Variants in ST6GAL2 observed in about 807,000 individuals in gnomAD.
ST6GAL2 encodes the protein beta-galactoside alpha-2,6-sialyltransferase 2.
In ST6GAL2, 24 loss-of-function variants were observed where a neutral mutation model predicts 37.5. The ratio of observed to expected loss-of-function variants is 0.64; its 90% CI spans 0.46 to 0.90. ST6GAL2 has a LOEUF of 0.90. Among genes scored for constraint, ST6GAL2 ranks in the 40% least tolerant of loss-of-function variants. The pLI, the probability that ST6GAL2 is intolerant of heterozygous loss-of-function variation, is 0.00. For missense variants in ST6GAL2, 715 were observed against 712.7 expected (o/e 1.00, Z -0.04); for synonymous variants, 306 against 295.1 (o/e 1.04, Z -0.38).
intron 1 of ST6GAL2, among the ~76,000 whole-genome samples, chr2:106,874,858 T>G (rs761370012): frequency 8.5e-5 from 13 of 152,180 alleles, no homozygotes; most frequent in Admixed American, 2.0e-4. Flanking sequence ...CAAGCCAGCA[T>G]TTGCAGCAGC....
At chr2:106,823,935 C>A (rs1676105289) in intron 5 of ST6GAL2, among the ~76,000 whole-genome samples, 1 of 152,178 alleles carries the variant, frequency 6.6e-6, no homozygotes, top group Non-Finnish European at 1.5e-5. Flanking sequence ...GACCTAATCA[C>A]CTCCCAATGG....
chr2:106,801,932 A>G lies in ST6GAL2; in HGVS notation c.*4746T>C, dbSNP rs529683663. On this transcript the variant is annotated 3_prime_UTR_variant, in exon 6 of 6. Transcript: ENST00000409382. The stretch of plus-strand genomic sequence containing the variant: ...CACCAATGCAATTTCTTTGTTTCCA[A>G]TCTACCTAGCAAGAAGACTATTTTC... 2 of 152,320 alleles carry G rather than the reference A, an allele frequency of 1.3e-5. No homozygotes were observed. Among genetic ancestry groups the G allele is most frequent in the East Asian group, 1.9e-4 (1 of 5,186 alleles). The allele number at this position is 152,320 out of a possible 1,614,324, so 9.4% of individuals were successfully genotyped here. A position where few individuals can be genotyped will look rare whatever the true frequency, so the allele number is the denominator to read the frequency against.
At chr2:106,812,703 A>G (rs1675655497) in intron 5 of ST6GAL2, among the ~76,000 whole-genome samples, 1 of 152,240 alleles carries the variant, frequency 6.6e-6, no homozygotes, top group African/African-American at 2.4e-5. Context: ...TCAAAGTATC[A>G]CATTACTTTG....
intron 5 of ST6GAL2, chr2:106,813,139 G>A: frequency 8.3e-7 from 1 of 1,199,202 alleles, no homozygotes; most frequent in Non-Finnish European, 1.0e-6. Context: ...TTGAGATGGA[G>A]TCTCACTCTG....
chr2:106,834,016 C>T, intron 3 of ST6GAL2, 33 bp downstream of exon 3: 1 of 1,508,976 alleles, frequency 6.6e-7, no homozygotes. Context: ...ACCTAAGAAA[C>T]ATACATCCAT....
At position 106,806,410 on chromosome 2, in the gene ST6GAL2, A is replaced by T. The variant is rs544205370; in HGVS notation, c.*268T>A. ...AGTTGTTAACATTTCTGGAGGTATC[A>T]TACCCATGGTCATACATGTGTTTTC... On this transcript the variant is annotated 3_prime_UTR_variant, in exon 6 of 6. Coordinates refer to ENST00000409382, the MANE Select transcript of ST6GAL2 (RefSeq NM_001142351.2). 16 of 413,702 alleles carry T rather than the reference A, an allele frequency of 3.9e-5. No homozygotes were observed. Among genetic ancestry groups the T allele is most frequent in the African/African-American group, 3.0e-4 (15 of 49,908 alleles). 25.6% of individuals were successfully genotyped at this position (413,702 alleles called of 1,614,324 possible).
chr2:106,878,882 T>G lies in ST6GAL2; in HGVS notation c.-58+7211A>C, dbSNP rs150855381. 3.2e-3 allele frequency among the ~76,000 whole-genome samples: 490 copies of G among 152,268 alleles called. 2 individuals are homozygous for G. The highest frequency in any genetic ancestry group is 0.01 in the African/African-American group (434 of 41,538). On this transcript the variant is annotated intron_variant, in intron 1 of 5. Transcript: ENST00000409382. ...CAACACAGTGTGGTAAGAACAAGAT[T>G]GAGCTAATTCGGGCAATTGAAAGAC...
At chr2:106,868,716 C>T (rs1678137818) in intron 1 of ST6GAL2, among the ~76,000 whole-genome samples, 1 of 152,182 alleles carries the variant, frequency 6.6e-6, no homozygotes, top group Non-Finnish European at 1.5e-5. Context: ...TATGACAAAA[C>T]TGTCATCAAT....
chr2:106,880,383 A>G (rs910327162), intron 1 of ST6GAL2, among the ~76,000 whole-genome samples: 9 of 152,204 alleles, frequency 5.9e-5, no homozygotes, highest in Admixed American at 2.6e-4. Flanking sequence ...CAGCTAACCA[A>G]TATGTAGGAT....
rs1285334291 is a variant in ST6GAL2, at chr2:106,806,528, C to T, written c.*150G>A. 2.2e-6 allele frequency: 2 copies of T among 895,300 alleles called. No homozygotes were observed. The highest frequency in any genetic ancestry group is 3.4e-6 in the Non-Finnish European group (2 of 592,316). 55.5% of individuals were successfully genotyped at this position (895,300 alleles called of 1,614,324 possible). Reference sequence around the variant, plus strand: ...CAAAGCAGTAATACATACTCAATGGCTTAGAAAGAGAAGGATTATCATGAC... The same window carrying T: ...CAAAGCAGTAATACATACTCAATGGTTTAGAAAGAGAAGGATTATCATGAC... On this transcript the variant is annotated 3_prime_UTR_variant, in exon 6 of 6. Coordinates refer to ENST00000409382, the MANE Select transcript of ST6GAL2 (RefSeq NM_001142351.2).
intron 5 of ST6GAL2, among the ~76,000 whole-genome samples, chr2:106,807,170 C>A (rs116476272): frequency 0.038 from 5,725 of 151,898 alleles, 128 homozygotes; most frequent in South Asian, 0.089. Flanking sequence ...ATATATATAT[C>A]TATTCGCTCA....
intron 5 of ST6GAL2, among the ~76,000 whole-genome samples, chr2:106,810,191 G>A (rs963605893): frequency 4.6e-5 from 7 of 152,088 alleles, no homozygotes; most frequent in South Asian, 2.1e-4. Flanking sequence ...CCGTTAAATC[G>A]TGTTATCTGC....
chr2:106,844,682 T>G (rs1449086911), intron 1 of ST6GAL2, among the ~76,000 whole-genome samples: 1 of 152,182 alleles, frequency 6.6e-6, no homozygotes. Flanking sequence ...TCTTCAACAA[T>G]GTCCCCAAGA....
rs191507346 is a variant in ST6GAL2, at chr2:106,820,208, C to T, written c.1318+9858G>A. ...GGATAACAAAACAAGACCCAATGAT[C>T]TATTGCCTACAAGAAACACACTTCA... On this transcript the variant is annotated intron_variant, in intron 5 of 5. Transcript: ENST00000409382. Among the ~76,000 whole-genome samples the T allele has an allele frequency of 1.9e-3, 290 of 152,122 alleles. 1 individual carries two copies. The highest frequency in any genetic ancestry group is 3.8e-3 in the Admixed American group (58 of 15,280).
intron 1 of ST6GAL2, among the ~76,000 whole-genome samples, chr2:106,870,219 C>A (rs922404503): frequency 1.2e-4 from 18 of 152,126 alleles, no homozygotes; most frequent in Admixed American, 6.6e-5. Flanking sequence ...GAGCCCCCAG[C>A]CTGATGCTAG....
intron 5 of ST6GAL2, among the ~76,000 whole-genome samples, chr2:106,808,902 G>C (rs1464953142): frequency 6.6e-6 from 1 of 152,196 alleles, no homozygotes; most frequent in Admixed American, 6.5e-5. Flanking sequence ...AGCTACTTGA[G>C]AGACTGAGGC....
At chr2:106,876,484 T>A (rs913319738) in intron 1 of ST6GAL2, among the ~76,000 whole-genome samples, 3 of 152,166 alleles carry the variant, frequency 2.0e-5, no homozygotes, top group East Asian at 1.9e-4. Flanking sequence ...CCTTATTTTT[T>A]AAAAAAGATA....
intron 1 of ST6GAL2, among the ~76,000 whole-genome samples, chr2:106,874,374 T>C (rs1678410542): frequency 6.6e-6 from 1 of 152,084 alleles, no homozygotes; most frequent in East Asian, 1.9e-4. Context: ...GGAGAGATCC[T>C]GAAGGTAGTT....
At chr2:106,884,972 T>C (rs1340374410) in intron 1 of ST6GAL2, among the ~76,000 whole-genome samples, 3 of 146,856 alleles carry the variant, frequency 2.0e-5, no homozygotes, top group Non-Finnish European at 4.5e-5. Context: ...TGTGTATGTA[T>C]ATACATATAC....
Sources: gnomAD v4.1 joint callset for allele counts (sites outside exome capture counted in the v4.1 genomes callset) on GRCh38, gnomAD v4.1.1 for gene constraint, MANE v1.5 for transcripts, NCBI Gene and HGNC (gene_info 2026-07-23, HGNC 2026-07-21) for gene names.